TOGARAM1: variants seen among roughly 807,000 people sequenced by gnomAD.
TOGARAM1 encodes TOG array regulator of axonemal microtubules protein 1.
In TOGARAM1, 100 loss-of-function variants were observed where a neutral mutation model predicts 166.6. The ratio of observed to expected loss-of-function variants is 0.60; its 90% confidence interval spans 0.51 to 0.71. The LOEUF is 0.71. TOGARAM1 is among the 30% of genes least tolerant of loss of function. TOGARAM1 has a pLI of 0.00. For missense variants in TOGARAM1, 2,029 were observed against 2,102.7 expected (o/e 0.96, Z 0.69); for synonymous variants, 758 against 763.8 (o/e 0.99, Z 0.13).
chr14:45,057,000 A>G (rs1882672778), intron 16 of TOGARAM1, among the ~76,000 whole-genome samples: 1 of 152,022 alleles, frequency 6.6e-6, no homozygotes, highest in African/African-American at 2.4e-5. Context: ...GTAGAATTCG[A>G]CTGTGAACCC....
chr14:45,015,266 A>T lies in TOGARAM1; in HGVS notation c.3238+3191A>T, dbSNP rs976030006. On this transcript the variant is annotated intron_variant, in intron 7 of 19. Transcript: ENST00000361462. ...GCTGCAGAGAGCCAAGATAGTGCCA[A>T]TGTATTCCAGCCTGGATGACAGAGC... Among the ~76,000 whole-genome samples the T allele has an allele frequency of 5.3e-5, 8 of 151,996 alleles. No homozygotes were observed. The South Asian group carries it at 1.5e-3, about 28-fold the overall frequency.
At chr14:45,053,694 C>T (rs1239120043) in intron 15 of TOGARAM1, among the ~76,000 whole-genome samples, 1 of 151,892 alleles carries the variant, frequency 6.6e-6, no homozygotes, top group Admixed American at 6.6e-5. Flanking sequence ...TAAAATGAAG[C>T]AGATTGCATC....
rs777463441 is a variant in TOGARAM1, at chr14:44,962,404, A to G, written c.-18A>G. The G allele has an allele frequency of 1.0e-5, 16 of 1,525,512 alleles. No individual in the cohort carries two copies. The highest frequency in any genetic ancestry group is 1.4e-5 in the Non-Finnish European group (16 of 1,141,570). 94.5% of individuals were successfully genotyped at this position (1,525,512 alleles called of 1,614,324 possible). A position where few individuals can be genotyped will look rare whatever the true frequency, so the allele number is the denominator to read the frequency against. ...ACGGCAATGGTTTCTTCCAACCACC[A>G]CCACCTGACAACCCTGCATGGCGGC... On this transcript the variant is annotated 5_prime_UTR_variant, in exon 1 of 20. Coordinates refer to ENST00000361462, the MANE Select transcript of TOGARAM1 (RefSeq NM_001308120.2).
intron 1 of TOGARAM1, among the ~76,000 whole-genome samples, chr14:44,976,389 C>G (rs1175043163): frequency 6.6e-6 from 1 of 152,156 alleles, no homozygotes; most frequent in Non-Finnish European, 1.5e-5. Flanking sequence ...CTTCTTTCAT[C>G]ACGTGCCCCA....
intron 4 of TOGARAM1, 32 bp from the exon 5 acceptor site, chr14:45,005,970 TAGAAAA>T: frequency 2.0e-6 from 3 of 1,507,364 alleles, no homozygotes; most frequent in Non-Finnish European, 2.7e-6. Flanking sequence ...TCTCTAAAAT[TAGAAAA>T]AGAAAAAGTA....
chr14:45,015,154 A>G (rs1181357333), intron 7 of TOGARAM1, among the ~76,000 whole-genome samples: 1 of 152,022 alleles, frequency 6.6e-6, no homozygotes, highest in African/African-American at 2.4e-5. Flanking sequence ...AAAAATTAAA[A>G]AGTAGCGGAG....
chr14:45,066,156 A>G (rs1429656313), intron 16 of TOGARAM1, among the ~76,000 whole-genome samples: 2 of 152,166 alleles, frequency 1.3e-5, no homozygotes, highest in Non-Finnish European at 2.9e-5. Context: ...TGAGGCCTCT[A>G]ATAAGCTTAC....
At chr14:45,045,502 A>T (rs1881941329) in intron 13 of TOGARAM1, among the ~76,000 whole-genome samples, 1 of 129,846 alleles carries the variant, frequency 7.7e-6, no homozygotes, top group Non-Finnish European at 1.6e-5. Context: ...ACACTATTTA[A>T]TTCATTTTAA....
chr14:44,998,652 T>C (rs1887548806), intron 2 of TOGARAM1, among the ~76,000 whole-genome samples: 2 of 151,716 alleles, frequency 1.3e-5, no homozygotes. Flanking sequence ...TAAAATAAAA[T>C]AAAAAGATAT....
intron 4 of TOGARAM1, among the ~76,000 whole-genome samples, chr14:45,005,519 C>T (rs748374168): frequency 2.0e-5 from 3 of 151,976 alleles, no homozygotes; most frequent in Non-Finnish European, 2.9e-5. Flanking sequence ...GAGGCTGAGG[C>T]GGGAGAATCG....
rs149345558 is a variant in TOGARAM1 at position 45,046,232 on chromosome 14, G to A, written c.4155-313G>A. Among the ~76,000 whole-genome samples, 117 of 152,194 alleles carry A rather than the reference G, an allele frequency of 7.7e-4. No individual in the cohort carries two copies. In the East Asian group the frequency reaches 9.9e-3, roughly 13 times the overall value. On this transcript the variant is annotated intron_variant, in intron 13 of 19. Transcript: ENST00000361462. ...GAAGATCCCTTGAGTCCAGGAGTTCGAGACCAGCCTGGGCAACATAGTAAG... is the reference window on the plus strand; with the variant it reads ...GAAGATCCCTTGAGTCCAGGAGTTCAAGACCAGCCTGGGCAACATAGTAAG...
intron 17 of TOGARAM1, among the ~76,000 whole-genome samples, chr14:45,067,851 C>T (rs1883204930): frequency 6.6e-6 from 1 of 152,060 alleles, no homozygotes; most frequent in Non-Finnish European, 1.5e-5. Context: ...GTTTAGCATT[C>T]ACTTTATTAT....
At chr14:44,997,404 C>CAAAAAAAAA (rs1167788236) in intron 2 of TOGARAM1, 1 of 20,854 alleles carries the variant, frequency 4.8e-5, no homozygotes, top group African/African-American at 1.2e-4. Flanking sequence ...GACTCCATCT[C>CAAAAAAAAA]AAAAAAAAAA....
intron 7 of TOGARAM1, among the ~76,000 whole-genome samples, chr14:45,015,260 G>A (rs1017478523): frequency 6.6e-6 from 1 of 151,776 alleles, no homozygotes; most frequent in African/African-American, 2.4e-5. Context: ...AGCCAAGATA[G>A]TGCCAATGTA....
intron 1 of TOGARAM1, among the ~76,000 whole-genome samples, chr14:44,987,974 A>G (rs1277826204): frequency 1.3e-5 from 2 of 152,058 alleles, no homozygotes; most frequent in African/African-American, 4.8e-5. Context: ...ATGAAGCTGG[A>G]AACCATCATT....
chr14:44,987,805 C>A (rs535067261), intron 1 of TOGARAM1, among the ~76,000 whole-genome samples: 2 of 147,980 alleles, frequency 1.4e-5, no homozygotes, highest in East Asian at 2.0e-4. Flanking sequence ...CACATGCACA[C>A]GTATGTTTAT....
rs1262907018 is a variant in TOGARAM1 at position 45,006,175 on chromosome 14, G to A, written c.2812G>A (p.Glu938Lys). The stretch of plus-strand genomic sequence containing the variant: ...AAGCACAGTGGGACACAAAAAGAAA[G>A]AGCCTGATGATATTTGGAAGTGTGA... ...DLSTVGHKKKEPDDIWKCEKD... is the reference protein window; with the variant it reads ...DLSTVGHKKKKPDDIWKCEKD... Residue 938 changes from glutamate to lysine, a missense_variant, in exon 5 of 20, where the codon GAG (glutamate) becomes AAG (lysine). Physicochemically the swap from Glu to Lys is moderately conservative, Grantham distance 56 (BLOSUM62 1). This residue lies in a region of TOGARAM1 where 1,453 missense variants were observed against 1,432.2 expected (regional missense o/e 1.01). Coordinates refer to ENST00000361462, the MANE Select transcript of TOGARAM1 (RefSeq NM_001308120.2). 2 of 1,613,890 alleles carry A rather than the reference G, an allele frequency of 1.2e-6. No homozygotes were observed. Among genetic ancestry groups the A allele is most frequent in the Non-Finnish European group, 1.7e-6 (2 of 1,179,968 alleles).
chr14:45,054,343 T>C, intron 15 of TOGARAM1, 88 bp from the exon 16 acceptor site: 1 of 771,150 alleles, frequency 1.3e-6, no homozygotes, highest in Non-Finnish European at 2.1e-6. Flanking sequence ...AAAAAATCAA[T>C]GATGCCTACT....
At chr14:44,974,673 A>G (rs569687983) in intron 1 of TOGARAM1, among the ~76,000 whole-genome samples, 9 of 152,226 alleles carry the variant, frequency 5.9e-5, no homozygotes, top group African/African-American at 1.9e-4. Flanking sequence ...TGCTTTAATT[A>G]CACTTTTGAT....
Sources: allele counts gnomAD v4.1 joint callset (sites outside exome capture counted in the v4.1 genomes callset), GRCh38; gene constraint gnomAD v4.1.1; regional missense constraint gnomAD v4.1.1; transcripts MANE v1.5; gene names NCBI Gene and HGNC (gene_info 2026-07-23, HGNC 2026-07-21).